Variants in TRDN observed in about 807,000 individuals in gnomAD.
TRDN encodes the protein triadin in skeletal muscle.
A neutral mutation model predicts 149.7 loss-of-function variants in TRDN; 161 were observed. The observed-to-expected ratio is 1.08, with a 90% confidence interval of 0.95 to 1.23. The LOEUF is 1.23. Ranked by LOEUF, TRDN falls within the 50% of genes most tolerant of loss-of-function variation. The pLI, the probability that TRDN is intolerant of heterozygous loss-of-function variation, is 0.00. For synonymous variants in TRDN, 294 were observed against 250.5 expected (o/e 1.17, Z -1.64); for missense variants, 896 against 823.5 (o/e 1.09, Z -1.08).
At chr6:123,224,029 G>T in intron 39 of TRDN, 64 bp downstream of exon 39, 35 of 1,260,360 alleles carry the variant, frequency 2.8e-5, no homozygotes, top group Non-Finnish European at 3.4e-5. Flanking sequence ...AAAAAAAAAA[G>T]ACAGACAAAA....
chr6:123,484,327 T>C (rs1410771343), intron 9 of TRDN, among the ~76,000 whole-genome samples: 1 of 152,180 alleles, frequency 6.6e-6, no homozygotes, highest in Non-Finnish European at 1.5e-5. Flanking sequence ...AGAGTCCTAT[T>C]CTCTATTTTG....
chr6:123,461,302 G>A (rs998719707), intron 10 of TRDN, among the ~76,000 whole-genome samples: 6 of 152,134 alleles, frequency 3.9e-5, no homozygotes, highest in African/African-American at 1.4e-4. Context: ...TCACATACAA[G>A]TGTTAGCATT....
intron 38 of TRDN, among the ~76,000 whole-genome samples, chr6:123,234,826 T>A (rs1433972859): frequency 6.6e-6 from 1 of 152,136 alleles, no homozygotes; most frequent in Non-Finnish European, 1.5e-5. Context: ...ACCCTGCTGA[T>A]ACATGAAAAG....
At chr6:123,490,999 G>T (rs566357921) in intron 9 of TRDN, among the ~76,000 whole-genome samples, 1 of 151,958 alleles carries the variant, frequency 6.6e-6, no homozygotes, top group South Asian at 2.1e-4. Context: ...CCAGCTACTC[G>T]CAAGGCTGAG....
intron 1 of TRDN, among the ~76,000 whole-genome samples, chr6:123,587,443 A>G (rs975195782): frequency 6.6e-6 from 1 of 152,288 alleles, no homozygotes; most frequent in African/African-American, 2.4e-5. Context: ...GAAGAGAGTA[A>G]GAAGAGTCTG....
At chr6:123,307,246 T>A (rs1778646646) in intron 24 of TRDN, among the ~76,000 whole-genome samples, 1 of 152,054 alleles carries the variant, frequency 6.6e-6, no homozygotes, top group South Asian at 2.1e-4. Flanking sequence ...CTTTTCATTA[T>A]TCCCACAAAA....
At chr6:123,618,412 A>C (rs1421980617) in intron 1 of TRDN, among the ~76,000 whole-genome samples, 1 of 152,144 alleles carries the variant, frequency 6.6e-6, no homozygotes, top group Non-Finnish European at 1.5e-5. Context: ...CCACCAACAG[A>C]AAAAGTTCTC....
chr6:123,465,820 T>C lies in TRDN; in HGVS notation c.854-837A>G, dbSNP rs577846527. ...TTTATCCAGAAATCAACATGCAACA[T>C]GGGCATGTGTAACTTCTAAAATCTC... On this transcript the variant is annotated intron_variant, in intron 9 of 40. Coordinates refer to ENST00000334268, the MANE Select transcript of TRDN (RefSeq NM_006073.4). Among the ~76,000 whole-genome samples the C allele has an allele frequency of 2.6e-5, 4 of 152,316 alleles. No homozygotes were observed. In the East Asian group the frequency reaches 5.8e-4, roughly 22 times the overall value.
chr6:123,483,377 C>T (rs1777848987), intron 9 of TRDN, among the ~76,000 whole-genome samples: 1 of 152,014 alleles, frequency 6.6e-6, no homozygotes, highest in Non-Finnish European at 1.5e-5. Flanking sequence ...GCTGAGATTA[C>T]AGGCGTGAGC....
intron 22 of TRDN, among the ~76,000 whole-genome samples, chr6:123,332,672 TAAAG>T (rs1416068718): frequency 6.6e-6 from 1 of 152,064 alleles, no homozygotes; most frequent in Non-Finnish European, 1.5e-5. Context: ...TAATGCTCAA[TAAAG>T]ATTTTATGGA....
chr6:123,548,305 C>A (rs1781215676), intron 3 of TRDN, 149 bp downstream of exon 3: 8 of 466,934 alleles, frequency 1.7e-5, no homozygotes, highest in Non-Finnish European at 2.4e-5. Flanking sequence ...TGTTTGGCAG[C>A]CTGTTGATAT....
intron 2 of TRDN, among the ~76,000 whole-genome samples, chr6:123,552,355 A>G (rs1163951881): frequency 2.6e-5 from 4 of 152,124 alleles, no homozygotes; most frequent in Admixed American, 6.6e-5. Context: ...TCTAAATGGG[A>G]CTATACAAGA....
chr6:123,248,405 A>C (rs1040206867), intron 38 of TRDN, among the ~76,000 whole-genome samples: 9 of 151,956 alleles, frequency 5.9e-5, no homozygotes, highest in African/African-American at 1.9e-4. Context: ...GAACATACAA[A>C]AATTAGCCAG....
chr6:123,480,462 G>A (rs1304366838), intron 9 of TRDN, among the ~76,000 whole-genome samples: 2 of 151,940 alleles, frequency 1.3e-5, no homozygotes, highest in African/African-American at 4.8e-5. Context: ...GTTCTCATAA[G>A]GCGGTTGTTT....
intron 1 of TRDN, among the ~76,000 whole-genome samples, chr6:123,589,459 T>C (rs1783676489): frequency 2.0e-5 from 3 of 152,186 alleles, no homozygotes; most frequent in African/African-American, 7.2e-5. Context: ...AGAAAAGCCT[T>C]GAGTAATGAC....
chr6:123,619,086 T>G (rs925406177), intron 1 of TRDN, among the ~76,000 whole-genome samples: 8 of 152,136 alleles, frequency 5.3e-5, no homozygotes, highest in African/African-American at 1.9e-4. Context: ...CATTGGGTAA[T>G]GTAGTATTAT....
At chr6:123,594,946 G>C (rs79946928) in intron 1 of TRDN, among the ~76,000 whole-genome samples, 3,105 of 151,562 alleles carry the variant, frequency 0.02, 109 homozygotes, top group African/African-American at 0.07. Flanking sequence ...AAAAATTCTA[G>C]AACATGGCTC....
intron 23 of TRDN, among the ~76,000 whole-genome samples, chr6:123,322,728 C>T (rs2114710587): frequency 1.3e-5 from 2 of 151,806 alleles, no homozygotes; most frequent in South Asian, 4.2e-4. Context: ...GCAACCTCCA[C>T]CTCCTGGATT....
chr6:123,506,620 C>G (rs1778936547), intron 7 of TRDN, among the ~76,000 whole-genome samples: 1 of 152,026 alleles, frequency 6.6e-6, no homozygotes, highest in African/African-American at 2.4e-5. Context: ...TCCCGAGTAG[C>G]TGGGATTTCA....
Sources: allele counts gnomAD v4.1 joint callset (sites outside exome capture counted in the v4.1 genomes callset), GRCh38; gene constraint gnomAD v4.1.1; transcripts MANE v1.5; gene names NCBI Gene and HGNC (gene_info 2026-07-23, HGNC 2026-07-21).